Variants in FASLG observed in about 807,000 individuals in gnomAD.
The protein encoded by FASLG is tumor necrosis factor ligand superfamily member 6.
FASLG carries 9 observed loss-of-function variants against 24.6 expected under a neutral mutation model. The observed-to-expected ratio is 0.37, with a 90% confidence interval of 0.22 to 0.64. The LOEUF is 0.64. FASLG is among the 30% of genes least tolerant of loss of function. FASLG has a pLI of 0.64. For missense variants in FASLG, 306 were observed against 345.3 expected, an observed-to-expected ratio of 0.89 and a Z score of 0.90; for synonymous variants, 130 against 135.5, an observed-to-expected ratio of 0.96 and a Z score of 0.28.
At chr1:172,659,954 T>G (rs897465194) in intron 1 of FASLG, 141 bp from the exon 2 acceptor site, 1 of 870,892 alleles carries the variant, frequency 1.1e-6, no homozygotes. Context: ...GAGGCAAAAT[T>G]GCTTGGCCAA....
chr1:172,664,209 T>C (rs1659202776), intron 2 of FASLG, 125 bp from the exon 3 acceptor site: 6 of 935,782 alleles, frequency 6.4e-6, no homozygotes, highest in Middle Eastern at 6.5e-4. Context: ...ATGATTAGTA[T>C]ATGTTAGACT....
In FASLG at chr1:172,666,857, A is replaced by G. The variant is rs1021789135; in HGVS notation, c.*841A>G. On this transcript the variant is annotated 3_prime_UTR_variant, in exon 4 of 4. Transcript: ENST00000367721. Reference sequence around the variant, plus strand: ...GAAATGAAAACATGTAATAAAAAGTATATGTTAGGATACAAATAATTTTTA... The same window carrying G: ...GAAATGAAAACATGTAATAAAAAGTGTATGTTAGGATACAAATAATTTTTA... 2.0e-5 allele frequency: 3 copies of G among 152,418 alleles called. No individual in the cohort carries two copies. The highest frequency in any genetic ancestry group is 7.2e-5 in the African/African-American group (3 of 41,454). 9.4% of individuals were successfully genotyped at this position (152,418 alleles called of 1,614,324 possible). A position where few individuals can be genotyped will look rare whatever the true frequency, so the allele number is the denominator to read the frequency against.
intron 2 of FASLG, among the ~76,000 whole-genome samples, chr1:172,660,807 T>C (rs1042201906): frequency 6.6e-6 from 1 of 152,166 alleles, no homozygotes; most frequent in Non-Finnish European, 1.5e-5. Context: ...AAGAAGATGA[T>C]AGGTTGAACA....
rs1243793271 is a variant in FASLG at position 172,666,487 on chromosome 1, A to C, written c.*471A>C. 6.1e-6 allele frequency: 1 copy of C among 162,998 alleles called. No individual in the cohort carries two copies. The highest frequency in any genetic ancestry group is 1.4e-5 in the Non-Finnish European group (1 of 73,086). The allele number at this position is 162,998 out of a possible 1,614,324, so 10.1% of individuals were successfully genotyped here. ...AGAGGCTGAAAGAGGCCAATGCCCC[A>C]CTGGCAGCATCTTCACTTCTAAATG... On this transcript the variant is annotated 3_prime_UTR_variant, in exon 4 of 4. Transcript: ENST00000367721.
At position 172,666,048 on chromosome 1, in the gene FASLG, T is replaced by C. The variant is rs775421228; in HGVS notation, c.*32T>C. The stretch of plus-strand genomic sequence containing the variant: ...CACTTTGGGATTCTTTCCATTATGA[T>C]TCTTTGTTACAGGCACCGAGAATGT... On this transcript the variant is annotated 3_prime_UTR_variant, in exon 4 of 4. Transcript: ENST00000367721. 9.9e-6 allele frequency: 16 copies of C among 1,612,884 alleles called. No individual in the cohort carries two copies. Among genetic ancestry groups the C allele is most frequent in the African/African-American group, 1.3e-5 (1 of 74,902 alleles).
intron 3 of FASLG, 122 bp downstream of exon 3, chr1:172,664,512 CAAT>C: frequency 1.1e-6 from 1 of 894,412 alleles, no homozygotes; most frequent in South Asian, 1.4e-5. Flanking sequence ...TATTTGAACC[CAAT>C]AATACTAACA....
chr1:172,661,634 T>G (rs911042423), intron 2 of FASLG, among the ~76,000 whole-genome samples: 8 of 152,200 alleles, frequency 5.3e-5, no homozygotes, highest in Admixed American at 2.0e-4. Flanking sequence ...AGCAATTATG[T>G]TCTCTAGATC....
chr1:172,666,040 C>T lies in FASLG; in HGVS notation c.*24C>T. On this transcript the variant is annotated 3_prime_UTR_variant, in exon 4 of 4. Coordinates refer to ENST00000367721, the MANE Select transcript of FASLG (RefSeq NM_000639.3). ...AAGAGAAGCACTTTGGGATTCTTTCCATTATGATTCTTTGTTACAGGCACC... is the reference window on the plus strand; with the variant it reads ...AAGAGAAGCACTTTGGGATTCTTTCTATTATGATTCTTTGTTACAGGCACC... The T allele has an allele frequency of 5.0e-6, 8 of 1,613,324 alleles. No homozygotes were observed. Among genetic ancestry groups the T allele is most frequent in the East Asian group, 2.2e-5 (1 of 44,868 alleles).
At chr1:172,661,071 A>G (rs1245314565) in intron 2 of FASLG, among the ~76,000 whole-genome samples, 1 of 152,240 alleles carries the variant, frequency 6.6e-6, no homozygotes, top group Non-Finnish European at 1.5e-5. Flanking sequence ...GCTAGAAGGA[A>G]CACAGGCTCT....
At position 172,666,306 on chromosome 1, in the gene FASLG, C is replaced by G. The variant is rs567707297; in HGVS notation, c.*290C>G. ...AGGTGTTCTACACTCATCTTAGTGC[C>G]TGAGAGTATTTAGGCAGATTGAAAA... On this transcript the variant is annotated 3_prime_UTR_variant, in exon 4 of 4. Transcript: ENST00000367721. The G allele has an allele frequency of 1.4e-5, 6 of 421,936 alleles. No homozygotes were observed. The South Asian group carries it at 1.7e-4, about 12-fold the overall frequency. The allele number at this position is 421,936 out of a possible 1,614,324, so 26.1% of individuals were successfully genotyped here.
rs923696197 is a variant in FASLG, at chr1:172,666,162, G to A, written c.*146G>A. 1.8e-5 allele frequency: 16 copies of A among 868,776 alleles called. No individual in the cohort carries two copies. The highest frequency in any genetic ancestry group is 3.4e-4 in the Middle Eastern group (1 of 2,908). 53.8% of individuals were successfully genotyped at this position (868,776 alleles called of 1,614,324 possible). A position where few individuals can be genotyped will look rare whatever the true frequency, so the allele number is the denominator to read the frequency against. On this transcript the variant is annotated 3_prime_UTR_variant, in exon 4 of 4. Transcript: ENST00000367721. ...ACCTTGAGACCACAGGGTTCAAAATGTCTGTAGCTCCTCAACTCACCTAAT... is the reference window on the plus strand; with the variant it reads ...ACCTTGAGACCACAGGGTTCAAAATATCTGTAGCTCCTCAACTCACCTAAT...
At chr1:172,659,958 T>C (rs1337235881) in intron 1 of FASLG, 137 bp from the exon 2 acceptor site, 1 of 929,084 alleles carries the variant, frequency 1.1e-6, no homozygotes, top group Non-Finnish European at 1.6e-6. Context: ...CAAAATTGCT[T>C]GGCCAAAGCC....
Position 172,666,037 on chromosome 1 carries a change from T to C in FASLG, c.*21T>C, listed in dbSNP as rs770592360. 5 of 1,613,682 alleles carry C rather than the reference T, an allele frequency of 3.1e-6. No homozygotes were observed. In the South Asian group the frequency reaches 3.3e-5, roughly 11 times the overall value. On this transcript the variant is annotated 3_prime_UTR_variant, in exon 4 of 4. Transcript: ENST00000367721. ...TCTAAGAGAAGCACTTTGGGATTCT[T>C]TCCATTATGATTCTTTGTTACAGGC...
chr1:172,664,869 AT>A (rs1659223963), intron 3 of FASLG, among the ~76,000 whole-genome samples: 1 of 152,240 alleles, frequency 6.6e-6, no homozygotes, highest in Non-Finnish European at 1.5e-5. Context: ...GAGTGAAATG[AT>A]ATGGTATGGG....
At chr1:172,659,681 C>A in intron 1 of FASLG, 132 bp downstream of exon 1, 1 of 1,357,314 alleles carries the variant, frequency 7.4e-7, no homozygotes, top group Non-Finnish European at 9.8e-7. Context: ...TCTAGTTATT[C>A]TATTCTATAG....
intron 2 of FASLG, among the ~76,000 whole-genome samples, chr1:172,660,836 A>T (rs1659121658): frequency 6.6e-6 from 1 of 152,206 alleles, no homozygotes; most frequent in Admixed American, 6.5e-5. Context: ...ATGAAATTTC[A>T]GGGCATAGTT....
At chr1:172,663,327 T>G (rs937118581) in intron 2 of FASLG, among the ~76,000 whole-genome samples, 1 of 152,114 alleles carries the variant, frequency 6.6e-6, no homozygotes, top group Non-Finnish European at 1.5e-5. Flanking sequence ...ATAAGATAAT[T>G]TATGTAGTTA....
In FASLG at chr1:172,664,601, G is replaced by A. The variant is rs140851380; in HGVS notation, c.451+211G>A. Among the ~76,000 whole-genome samples, 458 of 152,300 alleles carry A rather than the reference G, an allele frequency of 3.0e-3. 1 individual carries two copies. Among genetic ancestry groups the A allele is most frequent in the African/African-American group, 0.01 (433 of 41,550 alleles). ...GGGCAAGGCCCTCTTCTAAATTGGA[G>A]ACCTGGAGCTGATTATGACATGACC... On this transcript the variant is annotated intron_variant, in intron 3 of 3. Coordinates refer to ENST00000367721, the MANE Select transcript of FASLG (RefSeq NM_000639.3).
chr1:172,665,446 C>T (rs1180004781), intron 3 of FASLG, among the ~76,000 whole-genome samples, 176 bp from the exon 4 acceptor site: 4 of 149,502 alleles, frequency 2.7e-5, no homozygotes, highest in Admixed American at 6.7e-5. Context: ...AATAGGACAA[C>T]GTTGTTGAGG....
Sources: gnomAD v4.1 joint callset for allele counts (sites outside exome capture counted in the v4.1 genomes callset) on GRCh38, gnomAD v4.1.1 for gene constraint, MANE v1.5 for transcripts, NCBI Gene and HGNC (gene_info 2026-07-23, HGNC 2026-07-21) for gene names.